ROBO1: variants seen among roughly 807,000 people sequenced by gnomAD.
The protein encoded by ROBO1 is roundabout guidance receptor 1, also known as roundabout homolog 1.
In ROBO1, 149 loss-of-function variants were observed where a neutral mutation model predicts 195.9. The ratio of observed to expected loss-of-function variants is 0.76; its 90% CI spans 0.67 to 0.87. ROBO1 has a LOEUF of 0.87. Ranked by LOEUF, ROBO1 falls within the 40% of genes least tolerant of loss-of-function variation. ROBO1 has a pLI of 0.00. For missense variants in ROBO1, 1,933 were observed against 2,068.3 expected, an observed-to-expected ratio of 0.93 and a Z score of 1.27; for synonymous variants, 816 against 733.2, an observed-to-expected ratio of 1.11 and a Z score of -1.82.
At chr3:79,577,597 T>G (rs1423431531) in intron 2 of ROBO1, among the ~76,000 whole-genome samples, 1 of 152,088 alleles carries the variant, frequency 6.6e-6, no homozygotes, top group Non-Finnish European at 1.5e-5. Context: ...AAGAACTGGC[T>G]GGGCGTGGTG....
intron 4 of ROBO1, among the ~76,000 whole-genome samples, chr3:78,840,087 C>T (rs1219270326): frequency 6.6e-6 from 1 of 152,124 alleles, no homozygotes; most frequent in Non-Finnish European, 1.5e-5. Context: ...GCAGCATGGC[C>T]AATGCTTTCA....
chr3:79,325,989 G>C (rs545662782), intron 2 of ROBO1, among the ~76,000 whole-genome samples: 14 of 152,224 alleles, frequency 9.2e-5, no homozygotes, highest in Non-Finnish European at 1.9e-4. Flanking sequence ...TGGGTCTATA[G>C]ATGGCCCCCC....
rs1280644059 is a variant in ROBO1 at position 78,597,566 on chromosome 3, A to T, written c.*1347T>A. ...TTTTTTTCTTCAAATAGCACCAATT[A>T]TAAAATCAATGATATTCATAAAATG... On this transcript the variant is annotated 3_prime_UTR_variant, in exon 31 of 31. Transcript: ENST00000464233. 6.6e-6 allele frequency: 1 copy of T among 151,820 alleles called. No homozygotes were observed. The highest frequency in any genetic ancestry group is 1.9e-4 in the East Asian group (1 of 5,182). The allele number at this position is 151,820 out of a possible 1,614,324, so 9.4% of individuals were successfully genotyped here.
In ROBO1 at chr3:79,131,458, G is replaced by GT. The variant is rs200516640; in HGVS notation, c.89-5920dup. Among the ~76,000 whole-genome samples the GT allele has an allele frequency of 2.6e-4, 4 of 15,262 alleles. 1 individual carries two copies. Among genetic ancestry groups the GT allele is most frequent in the African/African-American group, 4.4e-4 (4 of 9,064 alleles). The allele number at this position is 15,262 out of a possible 152,430, so 10.0% of individuals were successfully genotyped here. ...GTATCCATTTCTTCTAGATTTTCTA[G>GT]TTTTTTTGTGTAGAGGTGTTTGTAG... On this transcript the variant is annotated intron_variant, in intron 2 of 30. Coordinates refer to ENST00000464233, the MANE Select transcript of ROBO1 (RefSeq NM_002941.4).
At chr3:79,607,300 TATAA>T (rs934565600) in intron 1 of ROBO1, among the ~76,000 whole-genome samples, 14 of 151,294 alleles carry the variant, frequency 9.3e-5, no homozygotes, top group African/African-American at 3.4e-4. Context: ...CTATTCATAA[TATAA>T]ATATTATTTT....
intron 3 of ROBO1, among the ~76,000 whole-genome samples, chr3:79,059,734 G>A (rs748470507): frequency 4.1e-4 from 62 of 152,034 alleles, no homozygotes; most frequent in Non-Finnish European, 7.4e-4. Context: ...TCCTATGCCT[G>A]TCTTTACTTT....
chr3:78,888,077 C>T (rs911458526), intron 4 of ROBO1, among the ~76,000 whole-genome samples: 10 of 152,170 alleles, frequency 6.6e-5, no homozygotes, highest in African/African-American at 2.4e-4. Context: ...AAACAACAGA[C>T]ATTGTATTTC....
chr3:79,667,308 A>G (rs1576202633), intron 1 of ROBO1, among the ~76,000 whole-genome samples: 2 of 152,000 alleles, frequency 1.3e-5, no homozygotes, highest in African/African-American at 4.8e-5. Context: ...TTCCACATCA[A>G]ACCAAATTCA....
At chr3:79,187,397 A>T (rs909826108) in intron 2 of ROBO1, among the ~76,000 whole-genome samples, 1 of 152,042 alleles carries the variant, frequency 6.6e-6, no homozygotes, top group Admixed American at 6.6e-5. Context: ...TGCATGGATC[A>T]CAATCATATG....
chr3:79,242,990 C>T (rs866663002), intron 2 of ROBO1, among the ~76,000 whole-genome samples: 1 of 127,476 alleles, frequency 7.8e-6, no homozygotes, highest in Non-Finnish European at 1.6e-5. Context: ...CCCTCCCCCC[C>T]ACCCCACAAC....
chr3:78,903,144 G>C (rs771183615), intron 4 of ROBO1, among the ~76,000 whole-genome samples: 1 of 151,960 alleles, frequency 6.6e-6, no homozygotes, highest in Non-Finnish European at 1.5e-5. Context: ...AAATATATCA[G>C]TAAAAATGAT....
intron 3 of ROBO1, among the ~76,000 whole-genome samples, chr3:79,109,530 T>C (rs983243921): frequency 6.6e-6 from 1 of 152,134 alleles, no homozygotes; most frequent in African/African-American, 2.4e-5. Context: ...TTCTGCTTTC[T>C]CAAAGATAGC....
At chr3:78,947,729 C>G (rs2040528301) in intron 3 of ROBO1, among the ~76,000 whole-genome samples, 1 of 152,036 alleles carries the variant, frequency 6.6e-6, no homozygotes, top group Non-Finnish European at 1.5e-5. Context: ...TTAATGAATC[C>G]AGGAGCTGGT....
intron 2 of ROBO1, among the ~76,000 whole-genome samples, chr3:79,439,269 C>A (rs1045223350): frequency 2.0e-5 from 3 of 152,022 alleles, no homozygotes; most frequent in African/African-American, 7.2e-5. Flanking sequence ...TAACTGACAT[C>A]AACTCAACAG....
intron 5 of ROBO1, among the ~76,000 whole-genome samples, chr3:78,728,458 A>C (rs765290067): frequency 0.071 from 1 of 14 alleles, no homozygotes; most frequent in African/African-American, 0.25. Flanking sequence ...TCTAGGTTAT[A>C]AAAAAAAAAA....
At chr3:79,462,358 T>C (rs1937689779) in intron 2 of ROBO1, among the ~76,000 whole-genome samples, 1 of 152,154 alleles carries the variant, frequency 6.6e-6, no homozygotes, top group African/African-American at 2.4e-5. Context: ...CTTTGAAAAA[T>C]GGAAACGACA....
chr3:79,476,403 A>T (rs1358999508), intron 2 of ROBO1, among the ~76,000 whole-genome samples: 1 of 152,160 alleles, frequency 6.6e-6, no homozygotes, highest in Non-Finnish European at 1.5e-5. Context: ...GATACTCACT[A>T]CTGAGTATCT....
At chr3:79,247,283 C>T (rs1211265256) in intron 2 of ROBO1, among the ~76,000 whole-genome samples, 1 of 149,350 alleles carries the variant, frequency 6.7e-6, no homozygotes, top group Non-Finnish European at 1.5e-5. Flanking sequence ...TAAAATGGCC[C>T]ACCATTAAAG....
chr3:79,607,004 T>C (rs1476009943), intron 1 of ROBO1, among the ~76,000 whole-genome samples: 1 of 151,698 alleles, frequency 6.6e-6, no homozygotes, highest in Non-Finnish European at 1.5e-5. Context: ...TACTGAGATT[T>C]CCGATAGCAA....
Sources: gnomAD v4.1 joint callset for allele counts (sites outside exome capture counted in the v4.1 genomes callset) on GRCh38, gnomAD v4.1.1 for gene constraint, MANE v1.5 for transcripts, NCBI Gene and HGNC (gene_info 2026-07-23, HGNC 2026-07-21) for gene names.